Variants in EYS observed in about 807,000 individuals in gnomAD.
EYS encodes EGF-like photoreceptor maintenance factor.
Under a neutral mutation model 282.1 loss-of-function variants are expected in EYS, and 250 were observed. The ratio of observed to expected loss-of-function variants is 0.89; its 90% CI spans 0.80 to 0.98. EYS has a LOEUF of 0.98. Ranked by LOEUF, EYS falls within the 50% of genes least tolerant of loss-of-function variation. The probability of loss-of-function intolerance (pLI) is 0.00; values close to 1 mark genes in which losing one functional copy is unlikely to be tolerated. For synonymous variants in EYS, 1,355 were observed against 1,282.9 expected, an observed-to-expected ratio of 1.06 and a Z score of -1.20; for missense variants, 4,016 against 3,709.0, an observed-to-expected ratio of 1.08 and a Z score of -2.15.
chr6:65,262,641 A>G (rs1319947126), intron 12 of EYS, among the ~76,000 whole-genome samples: 1 of 152,130 alleles, frequency 6.6e-6, no homozygotes, highest in Non-Finnish European at 1.5e-5. Flanking sequence ...ATATATTATG[A>G]TATGATACAA....
chr6:64,293,910 C>T (rs537549447), intron 30 of EYS, among the ~76,000 whole-genome samples: 2 of 152,146 alleles, frequency 1.3e-5, no homozygotes, highest in East Asian at 1.9e-4. Context: ...TTCTTAATAT[C>T]GTACCTGTCT....
At chr6:64,473,469 G>C (rs1232727365) in intron 26 of EYS, among the ~76,000 whole-genome samples, 1 of 152,084 alleles carries the variant, frequency 6.6e-6, no homozygotes, top group Non-Finnish European at 1.5e-5. Flanking sequence ...AAAGACTAAT[G>C]AATGAAAAAT....
At chr6:65,025,612 G>C (rs1346654872) in intron 13 of EYS, among the ~76,000 whole-genome samples, 1 of 152,148 alleles carries the variant, frequency 6.6e-6, no homozygotes, top group Non-Finnish European at 1.5e-5. Flanking sequence ...TGCGCAAGAG[G>C]CTGAGGCACG....
At chr6:64,889,773 C>G (rs35804967) in intron 18 of EYS, among the ~76,000 whole-genome samples, 9,632 of 151,912 alleles carry the variant, frequency 0.063, 407 homozygotes, top group African/African-American at 0.12. Flanking sequence ...GCCTCAGGAC[C>G]TTGTGATAAT....
chr6:64,048,898 C>T (rs1194165995), intron 33 of EYS, among the ~76,000 whole-genome samples: 1 of 143,812 alleles, frequency 7.0e-6, no homozygotes, highest in Admixed American at 6.9e-5. Context: ...CATTCTCCTG[C>T]CATTCTTTTC....
chr6:64,722,505 G>A (rs1182536018), intron 22 of EYS, among the ~76,000 whole-genome samples: 4 of 148,938 alleles, frequency 2.7e-5, no homozygotes, highest in Non-Finnish European at 5.9e-5. Flanking sequence ...AGTATTTTCA[G>A]TAAATTATTT....
At chr6:64,933,389 A>C (rs1209452382) in intron 15 of EYS, among the ~76,000 whole-genome samples, 1 of 152,180 alleles carries the variant, frequency 6.6e-6, no homozygotes, top group Non-Finnish European at 1.5e-5. Flanking sequence ...AAAAAAGCTT[A>C]TCATCACCGG....
chr6:65,641,149 G>T (rs7739824), intron 1 of EYS, among the ~76,000 whole-genome samples: 53,136 of 152,110 alleles, frequency 0.35, 11,653 homozygotes, highest in Non-Finnish European at 0.48. Flanking sequence ...AATAGAAGTT[G>T]GTACATGATT....
chr6:64,379,877 G>T (rs1049474985), intron 29 of EYS, among the ~76,000 whole-genome samples: 2 of 152,100 alleles, frequency 1.3e-5, no homozygotes, highest in African/African-American at 4.8e-5. Context: ...AAAAAATAAC[G>T]TAGTCCAACT....
chr6:65,096,369 T>C (rs1003465247), intron 12 of EYS, among the ~76,000 whole-genome samples: 1 of 150,886 alleles, frequency 6.6e-6, no homozygotes, highest in Admixed American at 6.6e-5. Context: ...TGGAAAGACA[T>C]GCTGATTTCA....
chr6:65,503,611 G>T (rs910379178), intron 2 of EYS, among the ~76,000 whole-genome samples: 3 of 151,514 alleles, frequency 2.0e-5, no homozygotes, highest in Non-Finnish European at 3.0e-5. Flanking sequence ...AATTCATTTT[G>T]ATCAAATTTT....
At chr6:63,766,571 T>A (rs1317699374) in intron 40 of EYS, among the ~76,000 whole-genome samples, 1 of 151,976 alleles carries the variant, frequency 6.6e-6, no homozygotes, top group Non-Finnish European at 1.5e-5. Flanking sequence ...TTGGTAAGTG[T>A]GTTAGTATGA....
At chr6:63,767,132 A>C (rs1000327355) in intron 40 of EYS, among the ~76,000 whole-genome samples, 2 of 152,232 alleles carry the variant, frequency 1.3e-5, no homozygotes, top group East Asian at 1.9e-4. Context: ...ATCATCCTGA[A>C]CGGGTGAAAG....
At chr6:64,824,567 G>T (rs1048968702) in intron 19 of EYS, among the ~76,000 whole-genome samples, 1 of 151,902 alleles carries the variant, frequency 6.6e-6, no homozygotes, top group African/African-American at 2.4e-5. Flanking sequence ...AGGAAGATAA[G>T]TGAAAAGTCT....
intron 12 of EYS, among the ~76,000 whole-genome samples, chr6:65,293,602 T>C (rs1247259347): frequency 6.6e-6 from 1 of 151,860 alleles, no homozygotes; most frequent in Non-Finnish European, 1.5e-5. Context: ...TCCATACAAC[T>C]CCTCTTCATT....
chr6:64,720,536 T>C (rs1317571339), intron 22 of EYS, among the ~76,000 whole-genome samples: 2 of 152,204 alleles, frequency 1.3e-5, no homozygotes, highest in South Asian at 2.1e-4. Context: ...TAAATAATTA[T>C]AACAGTTCCA....
intron 34 of EYS, among the ~76,000 whole-genome samples, chr6:63,985,474 A>T (rs1337917038): frequency 4.0e-5 from 6 of 151,748 alleles, no homozygotes; most frequent in African/African-American, 1.5e-4. Flanking sequence ...TAATGTAATC[A>T]TAATATATTA....
intron 14 of EYS, among the ~76,000 whole-genome samples, chr6:64,973,464 G>A (rs1770366748): frequency 1.3e-5 from 2 of 152,014 alleles, no homozygotes; most frequent in Admixed American, 1.3e-4. Context: ...AGCTTGGCGG[G>A]TTATGTGATT....
chr6:65,214,312 A>AGACTT (rs1766257847), intron 12 of EYS, among the ~76,000 whole-genome samples: 1 of 152,154 alleles, frequency 6.6e-6, no homozygotes, highest in Non-Finnish European at 1.5e-5. Context: ...AGGAATGATA[A>AGACTT]GATAGTGAAA....
Sources: gnomAD v4.1 joint callset for allele counts (sites outside exome capture counted in the v4.1 genomes callset) on GRCh38, gnomAD v4.1.1 for gene constraint, MANE v1.5 for transcripts, NCBI Gene and HGNC (gene_info 2026-07-23, HGNC 2026-07-21) for gene names.